RGS6: variants seen among roughly 807,000 people sequenced by gnomAD.
RGS6 encodes the protein regulator of G protein signaling 6, also known as regulator of G-protein signaling 6.
Under a neutral mutation model 78.5 loss-of-function variants are expected in RGS6, and 30 were observed. The observed-to-expected ratio is 0.38, with a 90% CI of 0.29 to 0.52. The LOEUF (loss-of-function observed/expected upper bound fraction) is 0.52, where lower values mean the gene tolerates loss of function less well. Among genes scored for constraint, RGS6 ranks in the 20% least tolerant of loss-of-function variants. RGS6 has a pLI of 0.85. For missense variants in RGS6, 495 were observed against 609.7 expected, an observed-to-expected ratio of 0.81 and a Z score of 1.98; for synonymous variants, 206 against 206.0, an observed-to-expected ratio of 1.00 and a Z score of 0.00.
intron 17 of RGS6, among the ~76,000 whole-genome samples, chr14:72,548,829 A>G (rs2097451931): frequency 6.6e-6 from 1 of 152,228 alleles, no homozygotes; most frequent in South Asian, 2.1e-4. Context: ...AGATAGGTAG[A>G]TACTAAAAAT....
the RGS6 span, among the ~76,000 whole-genome samples, chr14:72,628,068 AT>A: frequency 6.6e-6 from 1 of 152,056 alleles, no homozygotes; most frequent in African/African-American, 2.4e-5. Flanking sequence ...ATAGAGTTTT[AT>A]TACTTTGTTA....
chr14:72,303,436 G>C (rs1595553639), intron 2 of RGS6, among the ~76,000 whole-genome samples: 2 of 152,194 alleles, frequency 1.3e-5, no homozygotes, highest in Non-Finnish European at 2.9e-5. Context: ...AGGAGGTGGA[G>C]GTTGCAGTGA....
intron 2 of RGS6, among the ~76,000 whole-genome samples, chr14:72,266,366 C>T (rs149411752): frequency 2.3e-3 from 357 of 152,186 alleles, no homozygotes; most frequent in Middle Eastern, 6.8e-3. Flanking sequence ...GCCAAGCCTC[C>T]TAAGCCTGGG....
chr14:72,321,758 A>G (rs1190740599), intron 2 of RGS6, among the ~76,000 whole-genome samples: 1 of 152,054 alleles, frequency 6.6e-6, no homozygotes, highest in Non-Finnish European at 1.5e-5. Flanking sequence ...GAGGCTTAAC[A>G]GACAAAATAG....
the RGS6 span, among the ~76,000 whole-genome samples, chr14:72,617,525 G>C: frequency 6.6e-6 from 1 of 152,146 alleles, no homozygotes; most frequent in Non-Finnish European, 1.5e-5. Flanking sequence ...ATCCGGTCGG[G>C]GGCCCTTTAA....
At chr14:72,123,427 G>T (rs2096108115) in intron 2 of RGS6, among the ~76,000 whole-genome samples, 1 of 152,132 alleles carries the variant, frequency 6.6e-6, no homozygotes, top group African/African-American at 2.4e-5. Context: ...GGTGTGGATT[G>T]GGAAGCTATT....
chr14:72,421,007 G>C (rs1253668924), intron 3 of RGS6: 2 of 152,014 alleles, frequency 1.3e-5, no homozygotes, highest in Non-Finnish European at 2.9e-5. Context: ...TGCCGGCCTC[G>C]AGCAAGGACA....
chr14:72,577,101 C>T, the RGS6 span, among the ~76,000 whole-genome samples: 1 of 152,166 alleles, frequency 6.6e-6, no homozygotes, highest in Admixed American at 6.5e-5. Context: ...ACTGAAGTTC[C>T]CAACAGGGGG....
At chr14:71,906,857 C>T in the RGS6 span, among the ~76,000 whole-genome samples, 1 of 141,142 alleles carries the variant, frequency 7.1e-6, no homozygotes, top group Non-Finnish European at 1.6e-5. Flanking sequence ...GAAAAACTCT[C>T]CCAATTTATT....
intron 2 of RGS6, among the ~76,000 whole-genome samples, chr14:72,194,311 T>A (rs2039473832): frequency 6.6e-6 from 1 of 152,204 alleles, no homozygotes; most frequent in Non-Finnish European, 1.5e-5. Flanking sequence ...GTGATGGCTA[T>A]ACCGGTAAAC....
the RGS6 span, among the ~76,000 whole-genome samples, chr14:72,623,486 A>ATG: frequency 1.5e-4 from 23 of 151,616 alleles, no homozygotes; most frequent in South Asian, 2.1e-4. Context: ...CTGCATATAT[A>ATG]TGTGTGTGTG....
chr14:72,205,058 G>A (rs1359467694), intron 2 of RGS6, among the ~76,000 whole-genome samples: 3 of 152,124 alleles, frequency 2.0e-5, no homozygotes, highest in African/African-American at 7.2e-5. Flanking sequence ...GCAGAGCAGA[G>A]GCAGAACTGT....
chr14:72,210,602 G>A (rs985071851), intron 2 of RGS6, among the ~76,000 whole-genome samples: 5 of 152,148 alleles, frequency 3.3e-5, no homozygotes, highest in Admixed American at 1.3e-4. Context: ...GAATGTTTGC[G>A]GGGATGGGAG....
At chr14:72,196,596 A>G (rs2040218086) in intron 2 of RGS6, among the ~76,000 whole-genome samples, 1 of 152,206 alleles carries the variant, frequency 6.6e-6, no homozygotes, top group Non-Finnish European at 1.5e-5. Context: ...TGCCTAATGA[A>G]GAAAAAGCAA....
At chr14:72,194,470 C>G (rs2039525124) in intron 2 of RGS6, among the ~76,000 whole-genome samples, 1 of 151,822 alleles carries the variant, frequency 6.6e-6, no homozygotes, top group African/African-American at 2.4e-5. Context: ...TCCTTGGGCT[C>G]AAGTGATCCT....
chr14:72,228,303 C>T (rs1165323560), intron 2 of RGS6, among the ~76,000 whole-genome samples: 2 of 152,004 alleles, frequency 1.3e-5, no homozygotes, highest in Admixed American at 6.6e-5. Context: ...ATTCCTTGAA[C>T]CCAGGAGGTG....
chr14:71,947,538 G>T (rs532323331), intron 1 of RGS6, among the ~76,000 whole-genome samples: 29 of 152,106 alleles, frequency 1.9e-4, no homozygotes, highest in Non-Finnish European at 3.5e-4. Context: ...AGGCTGGATT[G>T]CAGTGGCGTG....
rs2095147884 is a variant in RGS6 at position 71,995,259 on chromosome 14, G to A, written c.84+30384G>A. On this transcript the variant is annotated intron_variant, in intron 2 of 17. Transcript: ENST00000553525. ...AAAATCTGGAATTCTATGTTCTTCT[G>A]GAAAATAAGGAAGATCTGGCAACAC... 2.0e-5 allele frequency among the ~76,000 whole-genome samples: 3 copies of A among 152,116 alleles called. No individual in the cohort carries two copies. In the South Asian group the frequency reaches 6.2e-4, roughly 32 times the overall value.
chr14:72,090,630 A>G (rs530231406), intron 2 of RGS6, among the ~76,000 whole-genome samples: 1 of 152,334 alleles, frequency 6.6e-6, no homozygotes, highest in Non-Finnish European at 1.5e-5. Flanking sequence ...CCATAAAACC[A>G]GTCCCTGGTG....
Sources: allele counts gnomAD v4.1 joint callset (sites outside exome capture counted in the v4.1 genomes callset), GRCh38; gene constraint gnomAD v4.1.1; transcripts MANE v1.5; gene names NCBI Gene and HGNC (gene_info 2026-07-23, HGNC 2026-07-21).